KRT6A: variants seen among roughly 807,000 people sequenced by gnomAD.
The protein encoded by KRT6A is keratin, type II cytoskeletal 6A.
In KRT6A, 28 loss-of-function variants were observed where a neutral mutation model predicts 48.6. That is an observed-to-expected ratio of 0.58 (90% CI 0.43 to 0.79). KRT6A has a LOEUF of 0.79. KRT6A is among the 30% of genes least tolerant of loss of function. The pLI, the probability that KRT6A is intolerant of heterozygous loss-of-function variation, is 0.00. For missense variants in KRT6A, 687 were observed against 724.3 expected, an observed-to-expected ratio of 0.95 and a Z score of 0.59; for synonymous variants, 301 against 294.2, an observed-to-expected ratio of 1.02 and a Z score of -0.24.
In KRT6A at chr12:52,490,695, A is replaced by G. The variant is rs432834; in HGVS notation, c.951T>C (p.Ser317=). 198 of 1,614,192 alleles carry G rather than the reference A, an allele frequency of 1.2e-4. No homozygotes were observed. In the Middle Eastern group the frequency reaches 1.6e-3, roughly 13 times the overall value. ...SQMQTHISDT[S]VVLSMDNNRN... ...GGTTGTTGTCCATGGACAGCACCACAGATGTGTCTGAGATGTGGGTCTGCA... is the reference window on the plus strand; with the variant it reads ...GGTTGTTGTCCATGGACAGCACCACGGATGTGTCTGAGATGTGGGTCTGCA... The change falls in exon 5 of 9, where the codon TCT becomes TCC. Residue 317 remains serine (S), a synonymous_variant. Transcript: ENST00000330722.
chr12:52,488,132 A>G, intron 7 of KRT6A, 29 bp from the exon 8 acceptor site: 1 of 1,613,852 alleles, frequency 6.2e-7, no homozygotes, highest in Non-Finnish European at 8.5e-7. Context: ...GGAGGGTGAG[A>G]CCTCAGAGAG....
rs577005792 is a variant in KRT6A, at chr12:52,487,765, C to A, written c.1650G>T (p.Lys550Asn). Residue 550 changes from lysine to asparagine, a missense_variant, in exon 9 of 9, where the codon AAG becomes AAT. Coordinates refer to ENST00000330722, the MANE Select transcript of KRT6A (RefSeq NM_005554.4). ...SSVGGGSSTI[K>N]YTTTSSSSRK... is the part of the protein sequence containing the mutation. ...TGCTGGAGGAGGAGGTGGTGGTGTACTTGATGGTGGAACTGCCGCCTCCAA... is the reference window on the plus strand; with the variant it reads ...TGCTGGAGGAGGAGGTGGTGGTGTAATTGATGGTGGAACTGCCGCCTCCAA... The A allele has an allele frequency of 1.5e-5, 24 of 1,614,102 alleles. No individual in the cohort carries two copies. The East Asian group carries it at 5.1e-4, about 34-fold the overall frequency.
chr12:52,490,447 A>G, intron 5 of KRT6A, 122 bp downstream of exon 5: 26 of 1,477,442 alleles, frequency 1.8e-5, no homozygotes, highest in Non-Finnish European at 2.5e-5. Flanking sequence ...AATAGTGCAG[A>G]GTGCATGTCC....
At position 52,491,549 on chromosome 12, in the gene KRT6A, T is replaced by G. The variant is rs758589282; in HGVS notation, c.728A>C (p.Gln243Pro). ...GRLDSELRGM[Q>P]DLVEDFKNKY... is the part of the protein sequence containing the mutation. ...GTTCTTGAAGTCCTCCACCAGGTCC[T>G]GCATGCCTCTGAGCTCTGAGTCCAG... Residue 243 changes from glutamine (Q) to proline (P), a missense_variant, in exon 2 of 9, where the codon CAG (glutamine) becomes CCG (proline). Physicochemically the swap from Gln to Pro is moderately conservative, Grantham distance 76. Coordinates refer to ENST00000330722, the MANE Select transcript of KRT6A (RefSeq NM_005554.4). 2 of 1,614,198 alleles carry G rather than the reference T, an allele frequency of 1.2e-6. No individual in the cohort carries two copies. Among genetic ancestry groups the G allele is most frequent in the Non-Finnish European group, 1.7e-6 (2 of 1,180,032 alleles).
At chr12:52,490,773 T>C (rs298120) in intron 4 of KRT6A, 40 bp from the exon 5 acceptor site, 948,944 of 1,613,910 alleles carry the variant, frequency 0.59, 281,038 homozygotes, top group East Asian at 0.72. Flanking sequence ...TCACTTCCGA[T>C]ATTTACAGAG....
intron 6 of KRT6A, among the ~76,000 whole-genome samples, chr12:52,489,237 C>T (rs1053071301): frequency 6.6e-6 from 1 of 152,076 alleles, no homozygotes; most frequent in African/African-American, 2.4e-5. Context: ...TGCAGCCCAA[C>T]ACAAATTCTT....
chr12:52,491,867 G>C, intron 1 of KRT6A, 131 bp from the exon 2 acceptor site: 4 of 1,172,724 alleles, frequency 3.4e-6, no homozygotes, highest in Non-Finnish European at 5.0e-6. Context: ...AGAGGCTCAG[G>C]CTGAGCTCTG....
chr12:52,489,192 C>T (rs1938206880), intron 6 of KRT6A, among the ~76,000 whole-genome samples: 1 of 152,348 alleles, frequency 6.6e-6, no homozygotes, highest in African/African-American at 2.4e-5. Flanking sequence ...CAACCTACAG[C>T]CCACAGGCCA....
rs958507675 is a variant in KRT6A, at chr12:52,487,382, A to G, written c.*338T>C. The G allele has an allele frequency of 1.1e-5, 4 of 358,454 alleles. No homozygotes were observed. Among genetic ancestry groups the G allele is most frequent in the South Asian group, 3.2e-5 (1 of 31,602 alleles). The allele number at this position is 358,454 out of a possible 1,614,324, so 22.2% of individuals were successfully genotyped here. A position where few individuals can be genotyped will look rare whatever the true frequency, so the allele number is the denominator to read the frequency against. On this transcript the variant is annotated 3_prime_UTR_variant, in exon 9 of 9. Transcript: ENST00000330722. The stretch of plus-strand genomic sequence containing the variant: ...AGTTGTTCTGAAATAAGCCCCTGGC[A>G]ATTTTCTGCAATGAAAAGGAGCAGA...
rs1938206880 is a variant in KRT6A at position 52,489,192 on chromosome 12, C to A, written c.1204-644G>T. ...TAGACCAAGCTTGTCCAACCTACAG[C>A]CCACAGGCCACATGCAGCCCAGGAT... On this transcript the variant is annotated intron_variant, in intron 6 of 8. Transcript: ENST00000330722. Among the ~76,000 whole-genome samples the A allele has an allele frequency of 2.0e-5, 3 of 152,348 alleles. No homozygotes were observed. The South Asian group carries it at 6.2e-4, about 32-fold the overall frequency.
rs748933825 is a variant in KRT6A, at chr12:52,493,208, G to A, written c.-20C>T. ...GGCCATGGTTCCAGGAGATGAGAGA[G>A]CTGAGGAGAGTGTGAGAGGCTGGAG... On this transcript the variant is annotated 5_prime_UTR_variant, in exon 1 of 9. Transcript: ENST00000330722. The A allele has an allele frequency of 1.2e-6, 2 of 1,614,160 alleles. No individual in the cohort carries two copies. The highest frequency in any genetic ancestry group is 1.7e-6 in the Non-Finnish European group (2 of 1,180,042).
Position 52,491,610 on chromosome 12 carries a change from T to C in KRT6A, c.667A>G (p.Arg223Gly). The change falls in exon 2 of 9, where the codon AGG becomes GGG. Residue 223 changes from arginine to glycine, a missense_variant. Coordinates refer to ENST00000330722, the MANE Select transcript of KRT6A (RefSeq NM_005554.4). ...LFEQYINNLR[R>G]QLDSIVGERG... ...TCCCCGACAATGCTGTCCAGCTGCC[T>C]CCTGAGGTTGTTGATGTACTGCTCG... 6.2e-7 allele frequency: 1 copy of C among 1,614,202 alleles called. No homozygotes were observed. Among genetic ancestry groups the C allele is most frequent in the Non-Finnish European group, 8.5e-7 (1 of 1,180,030 alleles).
At chr12:52,488,036 G>C (rs1274007221) in intron 8 of KRT6A, 33 bp downstream of exon 8, 1 of 1,614,156 alleles carries the variant, frequency 6.2e-7, no homozygotes, top group Admixed American at 1.7e-5. Context: ...AAGAGTGCGA[G>C]GGCAGGGGAG....
intron 5 of KRT6A, 186 bp from the exon 6 acceptor site, chr12:52,490,254 T>G: frequency 1.7e-6 from 2 of 1,167,048 alleles, no homozygotes; most frequent in Non-Finnish European, 2.5e-6. Flanking sequence ...ATCCTCATTA[T>G]GGCACCACTG....
chr12:52,490,740 A>T lies in KRT6A; in HGVS notation c.913-7T>A, dbSNP rs571626320. 6.2e-7 allele frequency: 1 copy of T among 1,614,166 alleles called. No homozygotes were observed. Among genetic ancestry groups the T allele is most frequent in the East Asian group, 2.2e-5 (1 of 44,890 alleles). ...TCTGCATCTGGGACAGCTCCTGCAGAACAGAAGGTCATAAGATCAACTTCA... is the reference window on the plus strand; with the variant it reads ...TCTGCATCTGGGACAGCTCCTGCAGTACAGAAGGTCATAAGATCAACTTCA... On this transcript the variant is annotated splice_polypyrimidine_tract_variant and splice_region_variant and intron_variant, in intron 4 of 8. Coordinates refer to ENST00000330722, the MANE Select transcript of KRT6A (RefSeq NM_005554.4).
In KRT6A at chr12:52,491,605, C is replaced by A. The variant is rs769077040; in HGVS notation, c.672G>T (p.Gln224His). The A allele has an allele frequency of 3.0e-5, 48 of 1,614,082 alleles. No individual in the cohort carries two copies. Among genetic ancestry groups the A allele is most frequent in the Non-Finnish European group, 3.1e-5 (37 of 1,180,050 alleles). Residue 224 changes from glutamine to histidine, a missense_variant, in exon 2 of 9, where the codon CAG (glutamine) becomes CAT (histidine). Coordinates refer to ENST00000330722, the MANE Select transcript of KRT6A (RefSeq NM_005554.4). ...CCCGTTCCCCGACAATGCTGTCCAGCTGCCTCCTGAGGTTGTTGATGTACT... is the reference window on the plus strand; with the variant it reads ...CCCGTTCCCCGACAATGCTGTCCAGATGCCTCCTGAGGTTGTTGATGTACT... ...FEQYINNLRR[Q>H]LDSIVGERGR...
rs757013535 is a variant in KRT6A, at chr12:52,493,077, C to G, written c.112G>C (p.Val38Leu). The change falls in exon 1 of 9, where the codon GTG becomes CTG. Residue 38 changes from valine (V) to leucine (L), a missense_variant. Val to Leu is a conservative substitution (Grantham distance 32). Transcript: ENST00000330722. ...CCACCACTGCCCCTGGAGCGGGACA[C>G]GGAGACGCTGCTGAAGCCAGAGCGG... is the stretch of plus-strand genomic sequence containing the variant. ...VSRSGFSSVS[V>L]SRSRGSGGLG... 1 of 1,613,598 alleles carries G rather than the reference C, an allele frequency of 6.2e-7. No homozygotes were observed. The highest frequency in any genetic ancestry group is 8.5e-7 in the Non-Finnish European group (1 of 1,180,026).
rs1938167455 is a variant in KRT6A at position 52,487,602 on chromosome 12, C to G, written c.*118G>C. The stretch of plus-strand genomic sequence containing the variant: ...GAGGGCACTAAGCATCCATACCCAG[C>G]TCTACCTGGGACAGCAGGGGAGACT... On this transcript the variant is annotated 3_prime_UTR_variant, in exon 9 of 9. Transcript: ENST00000330722. 1 of 1,293,806 alleles carries G rather than the reference C, an allele frequency of 7.7e-7. No individual in the cohort carries two copies. The highest frequency in any genetic ancestry group is 1.1e-6 in the Non-Finnish European group (1 of 911,492). The allele number at this position is 1,293,806 out of a possible 1,614,324, so 80.1% of individuals were successfully genotyped here. A position where few individuals can be genotyped will look rare whatever the true frequency, so the allele number is the denominator to read the frequency against.
chr12:52,493,215 A>C lies in KRT6A; in HGVS notation c.-27T>G, dbSNP rs1035607944. ...GTTCCAGGAGATGAGAGAGCTGAGG[A>C]GAGTGTGAGAGGCTGGAGGAGAGAG... On this transcript the variant is annotated 5_prime_UTR_variant, in exon 1 of 9. Transcript: ENST00000330722. 3.1e-6 allele frequency: 5 copies of C among 1,613,926 alleles called. No individual in the cohort carries two copies. In the African/African-American group the frequency reaches 6.7e-5, roughly 22 times the overall value.
Sources: allele counts gnomAD v4.1 joint callset (sites outside exome capture counted in the v4.1 genomes callset), GRCh38; gene constraint gnomAD v4.1.1; transcripts MANE v1.5; gene names NCBI Gene and HGNC (gene_info 2026-07-23, HGNC 2026-07-21).